Variants in ERBB4 observed in about 807,000 individuals in gnomAD.
ERBB4 encodes the protein receptor tyrosine-protein kinase erbB-4.
Under a neutral mutation model 158.0 loss-of-function variants are expected in ERBB4, and 42 were observed. The observed-to-expected ratio is 0.27, with a 90% CI of 0.21 to 0.34. The LOEUF (loss-of-function observed/expected upper bound fraction) is 0.34. Ranked by LOEUF, ERBB4 falls within the 10% of genes least tolerant of loss-of-function variation. ERBB4 has a pLI of 1.00. For synonymous variants in ERBB4, 583 were observed against 558.7 expected (o/e 1.04, Z -0.61); for missense variants, 1,333 against 1,624.1 (o/e 0.82, Z 3.08).
chr2:212,008,560 G>A (rs1415253376), intron 2 of ERBB4, among the ~76,000 whole-genome samples: 1 of 152,022 alleles, frequency 6.6e-6, no homozygotes, highest in Non-Finnish European at 1.5e-5. Context: ...ATTGTATTTA[G>A]CAATATAGAG....
At chr2:211,898,894 G>T (rs959860052) in intron 3 of ERBB4, among the ~76,000 whole-genome samples, 1 of 152,066 alleles carries the variant, frequency 6.6e-6, no homozygotes, top group Non-Finnish European at 1.5e-5. Flanking sequence ...TGTATTTATA[G>T]ACCAGTATTA....
At chr2:212,098,440 T>G (rs776891327) in intron 2 of ERBB4, among the ~76,000 whole-genome samples, 12 of 152,266 alleles carry the variant, frequency 7.9e-5, no homozygotes, top group Middle Eastern at 3.4e-3. Flanking sequence ...AAGCTGAATG[T>G]TTGTCTTTAT....
At chr2:211,817,607 A>G (rs934214084) in intron 3 of ERBB4, among the ~76,000 whole-genome samples, 1 of 152,132 alleles carries the variant, frequency 6.6e-6, no homozygotes, top group Non-Finnish European at 1.5e-5. Flanking sequence ...TGTCTTCTAC[A>G]GTAATGGAAT....
At chr2:211,696,609 A>G (rs2073031903) in intron 12 of ERBB4, among the ~76,000 whole-genome samples, 2 of 152,096 alleles carry the variant, frequency 1.3e-5, no homozygotes, top group South Asian at 4.1e-4. Flanking sequence ...TATAGGGTAT[A>G]CTTCAGTAAA....
intron 12 of ERBB4, among the ~76,000 whole-genome samples, chr2:211,683,078 T>C (rs1261276082): frequency 2.0e-5 from 3 of 151,602 alleles, no homozygotes; most frequent in Non-Finnish European, 4.4e-5. Context: ...ATTTTATCTT[T>C]TGGGTTTATA....
intron 1 of ERBB4, among the ~76,000 whole-genome samples, chr2:212,221,729 T>G (rs2083296750): frequency 6.6e-6 from 1 of 151,436 alleles, no homozygotes. Context: ...ATTCTTTGCT[T>G]GTTTAGTTTT....
chr2:212,319,960 A>T lies in ERBB4; in HGVS notation c.83-195057T>A, dbSNP rs540403154. Among the ~76,000 whole-genome samples, 46 of 150,414 alleles carry T rather than the reference A, an allele frequency of 3.1e-4. 2 individuals carry two copies. In the South Asian group the frequency reaches 3.6e-3, roughly 12 times the overall value. On this transcript the variant is annotated intron_variant, in intron 1 of 27. Transcript: ENST00000342788. ...TCAAGATCTGAATAGGAATCCAAGC[A>T]TCCTCCATTCCTTCCCCAAAAATCC...
intron 2 of ERBB4, among the ~76,000 whole-genome samples, chr2:211,957,574 T>A (rs1036078990): frequency 5.3e-5 from 8 of 152,110 alleles, no homozygotes; most frequent in African/African-American, 1.7e-4. Context: ...TGCCTCAGGA[T>A]CTTTATCTGT....
intron 1 of ERBB4, among the ~76,000 whole-genome samples, chr2:212,280,886 A>G (rs556868834): frequency 2.0e-5 from 3 of 151,838 alleles, no homozygotes; most frequent in South Asian, 4.1e-4. Context: ...TGGGGATCAG[A>G]GAAAGTGTGT....
chr2:211,608,739 T>C lies in ERBB4; in HGVS notation c.2301+10438A>G, dbSNP rs2069079652. Among the ~76,000 whole-genome samples, 5 of 152,144 alleles carry C rather than the reference T, an allele frequency of 3.3e-5. No homozygotes were observed. The South Asian group carries it at 1.0e-3, about 31-fold the overall frequency. On this transcript the variant is annotated intron_variant, in intron 19 of 27. Coordinates refer to ENST00000342788, the MANE Select transcript of ERBB4 (RefSeq NM_005235.3). Reference sequence around the variant, plus strand: ...GGTGTGCAGTTGAGTTAAATTATTTTCCACTATACTCCATTTCCTTATTGT... The same window carrying C: ...GGTGTGCAGTTGAGTTAAATTATTTCCCACTATACTCCATTTCCTTATTGT...
At chr2:211,469,597 T>C (rs2064782143) in intron 20 of ERBB4, among the ~76,000 whole-genome samples, 1 of 152,212 alleles carries the variant, frequency 6.6e-6, no homozygotes, top group South Asian at 2.1e-4. Flanking sequence ...TTTGGCCCTG[T>C]ACATAAGAGT....
At chr2:212,051,449 T>C (rs1432308052) in intron 2 of ERBB4, among the ~76,000 whole-genome samples, 2 of 152,138 alleles carry the variant, frequency 1.3e-5, no homozygotes, top group Non-Finnish European at 1.5e-5. Flanking sequence ...ATTTTTAAGG[T>C]TCTCAAACCT....
At chr2:212,297,819 T>C (rs2106198709) in intron 1 of ERBB4, among the ~76,000 whole-genome samples, 1 of 151,620 alleles carries the variant, frequency 6.6e-6, no homozygotes, top group African/African-American at 2.4e-5. Context: ...TAGCAATGAG[T>C]CCATTATTTA....
intron 17 of ERBB4, among the ~76,000 whole-genome samples, chr2:211,624,924 A>C (rs2069779004): frequency 6.6e-6 from 1 of 152,028 alleles, no homozygotes; most frequent in African/African-American, 2.4e-5. Context: ...TGGGAAACCT[A>C]CATAATCACA....
intron 2 of ERBB4, among the ~76,000 whole-genome samples, chr2:211,983,205 G>A (rs2081852230): frequency 6.6e-6 from 1 of 152,160 alleles, no homozygotes; most frequent in Non-Finnish European, 1.5e-5. Context: ...AAAGCCAAAT[G>A]AGATGGCAGT....
At chr2:211,653,421 G>A (rs1008808969) in intron 16 of ERBB4, among the ~76,000 whole-genome samples, 6 of 151,878 alleles carry the variant, frequency 4.0e-5, no homozygotes, top group African/African-American at 1.5e-4. Flanking sequence ...AGTTGATCAA[G>A]ACTGGAAACA....
At chr2:211,947,292 T>C in intron 3 of ERBB4, 138 bp downstream of exon 3, 1 of 749,036 alleles carries the variant, frequency 1.3e-6, no homozygotes, top group East Asian at 2.7e-5. Flanking sequence ...GCATCATTGC[T>C]TATAAAACAA....
intron 7 of ERBB4, among the ~76,000 whole-genome samples, chr2:211,721,536 C>T (rs1293088728): frequency 7.0e-6 from 1 of 143,494 alleles, no homozygotes; most frequent in Non-Finnish European, 1.5e-5. Context: ...TTTGAATCCT[C>T]AGGATGTTAT....
intron 1 of ERBB4, among the ~76,000 whole-genome samples, chr2:212,386,106 T>C (rs2090664410): frequency 6.6e-6 from 1 of 151,554 alleles, no homozygotes; most frequent in African/African-American, 2.4e-5. Context: ...GTGTCTGTCA[T>C]CCTTTACCAC....
Sources: allele counts gnomAD v4.1 joint callset (sites outside exome capture counted in the v4.1 genomes callset), GRCh38; gene constraint gnomAD v4.1.1; transcripts MANE v1.5; gene names NCBI Gene and HGNC (gene_info 2026-07-23, HGNC 2026-07-21).